TNXB: variants seen among roughly 807,000 people sequenced by gnomAD.
TNXB encodes tenascin-X.
A neutral mutation model predicts 340.5 loss-of-function variants in TNXB; 183 were observed. The ratio of observed to expected loss-of-function variants is 0.54; its 90% confidence interval spans 0.48 to 0.61. The LOEUF (loss-of-function observed/expected upper bound fraction) is 0.61, where lower values mean the gene tolerates loss of function less well. Among genes scored for constraint, TNXB ranks in the 20% least tolerant of loss-of-function variants. The pLI, the probability that TNXB is intolerant of heterozygous loss-of-function variation, is 0.00. For synonymous variants in TNXB, 2,121 were observed against 2,314.5 expected (o/e 0.92, Z 2.40); for missense variants, 4,613 against 5,446.4 (o/e 0.85, Z 4.82).
At position 32,097,102 on chromosome 6, in the gene TNXB, G is replaced by C. The variant is rs920782084; in HGVS notation, c.751C>G (p.Arg251Gly). The change falls in exon 3 of 44, where the codon CGA becomes GGA. Residue 251 changes from arginine (R) to glycine (G), a missense_variant. This residue lies in a region of TNXB where 4,327 missense variants were observed against 4,859.4 expected (regional missense o/e 0.89). Transcript: ENST00000644971. The surrounding 1 kb of genome is among the most constrained non-coding windows in gnomAD (Gnocchi z 5.9). ...CAGCGTCCCCTCTGGCTGCAACCTCGAGGGCAGGAGCGCTGGCTGCAGTCG... is the reference window on the plus strand; with the variant it reads ...CAGCGTCCCCTCTGGCTGCAACCTCCAGGGCAGGAGCGCTGGCTGCAGTCG... The part of the protein sequence containing the change: ...GPDCSQRSCP[R>G]GCSQRGRCEG... 7 of 1,612,540 alleles carry C rather than the reference G, an allele frequency of 4.3e-6. No homozygotes were observed. The highest frequency in any genetic ancestry group is 1.3e-5 in the African/African-American group (1 of 74,760).
Position 32,079,486 on chromosome 6 carries a change from T to C in TNXB, c.4043-121A>G, listed in dbSNP as rs1779317611. On this transcript the variant is annotated intron_variant, in intron 10 of 43. Coordinates refer to ENST00000644971, the MANE Select transcript of TNXB (RefSeq NM_001365276.2). This position sits in a 1 kb window ranked among gnomAD's most constrained non-coding sequence, Gnocchi z 7.1. ...GGCTCTGTAGCCTTTGTATTTGCCA[T>C]TCGGTCACTCACGGATGGAGAAGGC... 1 of 841,298 alleles carries C rather than the reference T, an allele frequency of 1.2e-6. No individual in the cohort carries two copies. The highest frequency in any genetic ancestry group is 1.9e-5 in the South Asian group (1 of 53,284). 52.1% of individuals were successfully genotyped at this position (841,298 alleles called of 1,614,324 possible).
rs369139181 is a variant in TNXB, at chr6:32,079,289, C to T, written c.4119G>A (p.Pro1373=). The change falls in exon 11 of 44, where the codon CCG becomes CCA. Residue 1373 remains proline (P), a synonymous_variant. Transcript: ENST00000644971. The surrounding 1 kb of genome is among the most constrained non-coding windows in gnomAD (Gnocchi z 7.1). ...GTEAPESPEE[P]LLGELTVTGS... ...CTGTCACTGTCAGCTCCCCCAGGAG[C>T]GGCTCCTCGGGGGACTCCGGGGCCT... 4.8e-5 allele frequency: 78 copies of T among 1,613,068 alleles called. 1 individual carries two copies. In the Middle Eastern group the frequency reaches 8.3e-4, roughly 17 times the overall value.
rs749409447 is a variant in TNXB, at chr6:32,072,314, A to AC, written c.4682-17dup. 2 of 1,585,300 alleles carry AC rather than the reference A, an allele frequency of 1.3e-6. No individual in the cohort carries two copies. Among genetic ancestry groups the AC allele is most frequent in the Non-Finnish European group, 1.7e-6 (2 of 1,163,792 alleles). On this transcript the variant is annotated splice_polypyrimidine_tract_variant and intron_variant, in intron 12 of 43. Transcript: ENST00000644971. This position sits in a 1 kb window ranked among gnomAD's most constrained non-coding sequence, Gnocchi z 4.4. Reference sequence around the variant, plus strand: ...GGGAGGGGAGCTGGGATTTGGGAAGACAAAGAACATGGTTGAGATCTCTGA... The same window carrying AC: ...GGGAGGGGAGCTGGGATTTGGGAAGACCAAAGAACATGGTTGAGATCTCTGA...
At chr6:32,059,877 G>C (rs939818925) in intron 21 of TNXB, among the ~76,000 whole-genome samples, 3 of 151,890 alleles carry the variant, frequency 2.0e-5, no homozygotes, top group Admixed American at 6.5e-5. Context: ...CTTCCCCATC[G>C]GTAGGAATTC....
chr6:32,089,330 G>C lies in TNXB; in HGVS notation c.2408C>G (p.Ser803Ter). The C allele has an allele frequency of 1.2e-6, 2 of 1,608,348 alleles. No homozygotes were observed. Among genetic ancestry groups the C allele is most frequent in the Non-Finnish European group, 1.7e-6 (2 of 1,178,284 alleles). ...PFTARVPSSA[S>*]AYDQRGLAPG... ...GGCCAGTCCTCTCTGGTCATAGGCTGAGGCAGAGCTTGGAACCCGTGCTGT... is the reference window on the plus strand; with the variant it reads ...GGCCAGTCCTCTCTGGTCATAGGCTCAGGCAGAGCTTGGAACCCGTGCTGT... Residue 803 changes from serine to a stop codon, truncating the protein, a stop_gained, in exon 5 of 44, where the codon TCA becomes TGA. Transcript: ENST00000644971. LOFTEE classifies it high-confidence loss of function. The surrounding 1 kb of genome is among the most constrained non-coding windows in gnomAD (Gnocchi z 6.2).
chr6:32,072,337 T>C lies in TNXB; in HGVS notation c.4682-39A>G, dbSNP rs1778828932. The stretch of plus-strand genomic sequence containing the variant: ...AGACAAAGAACATGGTTGAGATCTC[T>C]GAGGGGAGAACCCCTGGGCTTTGAG... On this transcript the variant is annotated intron_variant, in intron 12 of 43. Transcript: ENST00000644971. The surrounding 1 kb of genome is among the most constrained non-coding windows in gnomAD (Gnocchi z 4.4). 1 of 1,536,492 alleles carries C rather than the reference T, an allele frequency of 6.5e-7. No homozygotes were observed. The highest frequency in any genetic ancestry group is 8.8e-7 in the Non-Finnish European group (1 of 1,135,818).
rs370730850 is a variant in TNXB at position 32,043,590 on chromosome 6, G to A, written c.11531-34C>T. 6.4e-5 allele frequency: 76 copies of A among 1,193,732 alleles called. No individual in the cohort carries two copies. In the African/African-American group the frequency reaches 6.6e-4, roughly 10 times the overall value. 73.9% of individuals were successfully genotyped at this position (1,193,732 alleles called of 1,614,324 possible). A position where few individuals can be genotyped will look rare whatever the true frequency, so the allele number is the denominator to read the frequency against. ...AGGGGAGGGGCTCAGAAGGGTCCCC[G>A]CGGCTCTCTCTACTCCGTGCCTCCC... is the stretch of plus-strand genomic sequence containing the variant. On this transcript the variant is annotated intron_variant, in intron 35 of 43. Transcript: ENST00000644971.
rs1403218466 is a variant in TNXB at position 32,068,816 on chromosome 6, T to C, written c.5902+6A>G. The stretch of plus-strand genomic sequence containing the variant: ...TGAAAGGAGGCATAGTGGGCAGAGT[T>C]CTCACCTGTCAGGGCCTCGACATGG... On this transcript the variant is annotated splice_donor_region_variant and intron_variant, in intron 16 of 43. Coordinates refer to ENST00000644971, the MANE Select transcript of TNXB (RefSeq NM_001365276.2). This position sits in a 1 kb window ranked among gnomAD's most constrained non-coding sequence, Gnocchi z 5.3. 6.2e-7 allele frequency: 1 copy of C among 1,601,356 alleles called. No homozygotes were observed. The highest frequency in any genetic ancestry group is 8.5e-7 in the Non-Finnish European group (1 of 1,171,942).
At position 32,052,687 on chromosome 6, in the gene TNXB, G is replaced by A. The variant is rs1050835934; in HGVS notation, c.9098C>T (p.Ser3033Phe). 1 of 1,613,244 alleles carries A rather than the reference G, an allele frequency of 6.2e-7. No homozygotes were observed. Among genetic ancestry groups the A allele is most frequent in the Admixed American group, 1.7e-5 (1 of 60,012 alleles). ...TTACTCACCTGTCACACCCACAGCGGACACTGGGCCCACGCGCTGCCCCTC... is the reference window on the plus strand; with the variant it reads ...TTACTCACCTGTCACACCCACAGCGAACACTGGGCCCACGCGCTGCCCCTC... Reference protein sequence around the residue: ...LHEGQRVGPVSAVGVTAPKDE... With the variant: ...LHEGQRVGPVFAVGVTAPKDE... Residue 3033 changes from serine (S) to phenylalanine (F), a missense_variant, in exon 26 of 44, where the codon TCC becomes TTC. By Grantham distance (155) the Ser-to-Phe change is radical. Around this residue, in one of 7 missense-constraint regions of TNXB, gnomAD observed 4,327 missense variants for 4,859.4 expected, o/e 0.89. Coordinates refer to ENST00000644971, the MANE Select transcript of TNXB (RefSeq NM_001365276.2). The surrounding 1 kb of genome is among the most constrained non-coding windows in gnomAD (Gnocchi z 4.7).
Position 32,096,585 on chromosome 6 carries a change from G to T in TNXB, c.1268C>A (p.Pro423Gln), listed in dbSNP as rs751586423. 2.5e-6 allele frequency: 4 copies of T among 1,592,554 alleles called. No homozygotes were observed. The highest frequency in any genetic ancestry group is 3.5e-5 in the Admixed American group (2 of 57,714). ...GCCGCAATCGGTTCCAGTGTACCCC[G>T]GCCAGCACACGCAGCGGCCGTCCTC... ...RCEDGRCVCW[P>Q]GYTGTDCGSR... is the part of the protein sequence containing the mutation. Residue 423 changes from proline to glutamine, a missense_variant, in exon 3 of 44, where the codon CCG becomes CAG. Transcript: ENST00000644971.
At chr6:32,041,544 C>A (rs2151878738) in intron 43 of TNXB, 94 bp from the exon 44 acceptor site, 5 of 1,094,448 alleles carry the variant, frequency 4.6e-6, no homozygotes, top group Non-Finnish European at 4.1e-6. Context: ...ACTCAACCAA[C>A]CTCCCCGCAG....
At position 32,089,913 on chromosome 6, in the gene TNXB, T is replaced by A. The variant is rs1362530423; in HGVS notation, c.2359-534A>T. ...CTAAGCTTGGTCCTGTCAGAACAAATGAAGTAGATCAAGGATGCCCCTTCA... is the reference window on the plus strand; with the variant it reads ...CTAAGCTTGGTCCTGTCAGAACAAAAGAAGTAGATCAAGGATGCCCCTTCA... On this transcript the variant is annotated intron_variant, in intron 4 of 43. Transcript: ENST00000644971. This position sits in a 1 kb window ranked among gnomAD's most constrained non-coding sequence, Gnocchi z 6.2. 1.3e-5 allele frequency among the ~76,000 whole-genome samples: 2 copies of A among 152,200 alleles called. No homozygotes were observed. Among genetic ancestry groups the A allele is most frequent in the African/African-American group, 4.8e-5 (2 of 41,436 alleles).
At position 32,069,855 on chromosome 6, in the gene TNXB, C is replaced by T. The variant is rs547889326; in HGVS notation, c.5285G>A (p.Arg1762Gln). ...TGTTCCAGTATCATCCATAGCACTC[C>T]GGGCTTCTGAGATGGAGACACGGAG... ...PLTADGTTEA[R>Q]SAMDDTGTKR... is the part of the protein sequence containing the mutation. The change falls in exon 15 of 44, where the codon CGG becomes CAG. Residue 1762 changes from arginine to glutamine, a missense_variant. Physicochemically the swap from Arg to Gln is conservative, Grantham distance 43. Around this residue, in one of 7 missense-constraint regions of TNXB, gnomAD observed 4,327 missense variants for 4,859.4 expected, o/e 0.89. Transcript: ENST00000644971. The surrounding 1 kb of genome is among the most constrained non-coding windows in gnomAD (Gnocchi z 6.2). 32 of 1,586,190 alleles carry T rather than the reference C, an allele frequency of 2.0e-5. No individual in the cohort carries two copies. The highest frequency in any genetic ancestry group is 5.4e-5 in the African/African-American group (4 of 74,100).
intron 31 of TNXB, chr6:32,045,904 G>A: frequency 8.2e-6 from 10 of 1,215,638 alleles, no homozygotes; most frequent in Non-Finnish European, 1.0e-5. Context: ...AGCGAGTAAT[G>A]AGGAGCAGTG....
chr6:32,077,128 C>T (rs376211447), intron 11 of TNXB, among the ~76,000 whole-genome samples: 9 of 152,226 alleles, frequency 5.9e-5, no homozygotes, highest in African/African-American at 2.2e-4. Flanking sequence ...CATCCTTACC[C>T]CAGGGACCAG....
intron 6 of TNXB, among the ~76,000 whole-genome samples, chr6:32,086,650 C>T (rs1779796711): frequency 6.6e-6 from 1 of 152,192 alleles, no homozygotes; most frequent in Non-Finnish European, 1.5e-5. Context: ...TGCCCTTTCC[C>T]CAAGCCCAGA....
intron 1 of TNXB, among the ~76,000 whole-genome samples, chr6:32,100,028 C>A (rs2127297361): frequency 6.7e-6 from 1 of 150,156 alleles, no homozygotes; most frequent in East Asian, 1.9e-4. Flanking sequence ...GAACCCAGGA[C>A]CTAAATAAGA....
At chr6:32,048,763 GT>G in intron 28 of TNXB, 113 bp from the exon 29 acceptor site, 1 of 1,109,558 alleles carries the variant, frequency 9.0e-7, no homozygotes, top group Non-Finnish European at 1.2e-6. Flanking sequence ...TAAAACGCTT[GT>G]TTTAGAATCT....
chr6:32,070,560 G>T lies in TNXB; in HGVS notation c.4991-146C>A. On this transcript the variant is annotated intron_variant, in intron 13 of 43. Coordinates refer to ENST00000644971, the MANE Select transcript of TNXB (RefSeq NM_001365276.2). This position sits in a 1 kb window ranked among gnomAD's most constrained non-coding sequence, Gnocchi z 6.0. ...ACCTCCCATCCTCACCACCATCTCC[G>T]TCTGGTCCATGCCTCTCTCCCCTTG... The T allele has an allele frequency of 2.1e-6, 2 of 942,168 alleles. No homozygotes were observed. The highest frequency in any genetic ancestry group is 3.1e-6 in the Non-Finnish European group (2 of 651,510). 58.4% of individuals were successfully genotyped at this position (942,168 alleles called of 1,614,324 possible).
Sources: gnomAD v4.1 joint callset for allele counts (sites outside exome capture counted in the v4.1 genomes callset) on GRCh38, gnomAD v4.1.1 for gene constraint, gnomAD v4.1.1 regional missense constraint, Gnocchi (gnomAD v3.1) non-coding constraint, MANE v1.5 for transcripts, NCBI Gene and HGNC (gene_info 2026-07-23, HGNC 2026-07-21) for gene names.